The following USP24 variants were observed in gnomAD, a reference collection of about 807,000 sequenced individuals.
USP24 encodes the protein ubiquitin specific peptidase 24, also known as ubiquitin carboxyl-terminal hydrolase 24.
A neutral mutation model predicts 361.6 loss-of-function variants in USP24; 97 were observed. The observed-to-expected ratio is 0.27, with a 90% CI of 0.23 to 0.32. The LOEUF (loss-of-function observed/expected upper bound fraction) is 0.32, where lower values mean the gene tolerates loss of function less well. Among genes scored for constraint, USP24 ranks in the 10% least tolerant of loss-of-function variants. The probability of loss-of-function intolerance (pLI) is 1.00; values close to 1 mark genes in which losing one functional copy is unlikely to be tolerated. For synonymous variants in USP24, 1,098 were observed against 1,124.6 expected (o/e 0.98, Z 0.47); for missense variants, 2,353 against 3,165.6 (o/e 0.74, Z 6.16).
intron 59 of USP24, among the ~76,000 whole-genome samples, chr1:55,080,453 G>A (rs12078480): frequency 0.017 from 2,549 of 152,270 alleles, 65 homozygotes; most frequent in African/African-American, 0.059. Context: ...TGGCTTCTAT[G>A]CCACTAACTA....
intron 40 of USP24, among the ~76,000 whole-genome samples, 170 bp downstream of exon 40, chr1:55,107,069 G>T (rs1645795198): frequency 6.6e-6 from 1 of 152,170 alleles, no homozygotes; most frequent in Non-Finnish European, 1.5e-5. Context: ...CACAGGTAAA[G>T]TACACCTTAA....
intron 8 of USP24, among the ~76,000 whole-genome samples, chr1:55,160,369 G>C (rs1036515770): frequency 1.3e-5 from 2 of 152,216 alleles, no homozygotes; most frequent in Admixed American, 1.3e-4. Context: ...AATGCCAATT[G>C]TATAGGAAGG....
intron 38 of USP24, among the ~76,000 whole-genome samples, chr1:55,119,994 AG>A (rs1361917893): frequency 2.0e-5 from 3 of 152,170 alleles, no homozygotes; most frequent in African/African-American, 7.2e-5. Context: ...GCCCCACAGT[AG>A]GGGCTGTGTG....
chr1:55,123,624 T>A lies in USP24; in HGVS notation c.4121-22A>T, dbSNP rs771247675. 290 of 1,572,640 alleles carry A rather than the reference T, an allele frequency of 1.8e-4. 4 individuals carry two copies. The Middle Eastern group carries it at 4.3e-3, about 24-fold the overall frequency. ...CTTCCTGAAAACAGGTAAGCAGAAA[T>A]TTACTGTGGATCCTACAGGAACTAT... is the stretch of plus-strand genomic sequence containing the variant. On this transcript the variant is annotated intron_variant, in intron 35 of 67. Transcript: ENST00000294383.
chr1:55,111,614 A>G (rs577892031), intron 38 of USP24, among the ~76,000 whole-genome samples: 1 of 152,130 alleles, frequency 6.6e-6, no homozygotes, highest in African/African-American at 2.4e-5. Flanking sequence ...TTTAATTCAC[A>G]TGTTTACTGG....
chr1:55,100,322 C>A (rs376202549), intron 44 of USP24, among the ~76,000 whole-genome samples: 8 of 152,148 alleles, frequency 5.3e-5, no homozygotes, highest in African/African-American at 1.9e-4. Flanking sequence ...CACGGAGAAA[C>A]CCCATCTCTA....
chr1:55,208,142 G>A (rs556367445), intron 1 of USP24, among the ~76,000 whole-genome samples: 2 of 152,172 alleles, frequency 1.3e-5, no homozygotes, highest in South Asian at 2.1e-4. Context: ...ACCAGCTTAA[G>A]GTAATCACCT....
At chr1:55,184,513 C>T (rs1644070984) in intron 1 of USP24, among the ~76,000 whole-genome samples, 1 of 152,128 alleles carries the variant, frequency 6.6e-6, no homozygotes, top group Admixed American at 6.6e-5. Flanking sequence ...TTGGAGACTT[C>T]AATACCTCAG....
In USP24 at chr1:55,134,052, G is replaced by A; in HGVS notation, c.3381+18C>T. On this transcript the variant is annotated intron_variant, in intron 30 of 67. Coordinates refer to ENST00000294383, the MANE Select transcript of USP24 (RefSeq NM_015306.3). Reference sequence around the variant, plus strand: ...ATTGTGATATAAAATTGCCATGCTAGTTAAAAAATACTCATACCTTTCTTC... The same window carrying A: ...ATTGTGATATAAAATTGCCATGCTAATTAAAAAATACTCATACCTTTCTTC... 6.2e-7 allele frequency: 1 copy of A among 1,606,696 alleles called. No individual in the cohort carries two copies. The highest frequency in any genetic ancestry group is 8.5e-7 in the Non-Finnish European group (1 of 1,174,532).
At chr1:55,185,509 G>A (rs1197736599) in intron 1 of USP24, among the ~76,000 whole-genome samples, 6 of 151,900 alleles carry the variant, frequency 3.9e-5, no homozygotes, top group South Asian at 2.1e-4. Flanking sequence ...AAGAGAAAAA[G>A]AAAGAGGATT....
intron 39 of USP24, among the ~76,000 whole-genome samples, chr1:55,109,458 C>T (rs530908588): frequency 6.6e-6 from 1 of 152,286 alleles, no homozygotes; most frequent in South Asian, 2.1e-4. Context: ...TATTCTATTT[C>T]TTCTTACAGG....
chr1:55,124,491 A>G lies in USP24; in HGVS notation c.4098T>C (p.Ile1366=). 2 of 1,612,894 alleles carry G rather than the reference A, an allele frequency of 1.2e-6. No homozygotes were observed. The highest frequency in any genetic ancestry group is 2.7e-5 in the African/African-American group (2 of 75,056). ...TACCTGAACTGCTGAGTCTGTTTCG[A>G]ATTCCAGCAGGACACAGGGAATTAC... The part of the protein sequence containing the change: ...KESNSLCPAG[I]RNRLSSSGSN... The change falls in exon 35 of 68, where the codon ATT becomes ATC. Residue 1366 remains isoleucine, a synonymous_variant. Coordinates refer to ENST00000294383, the MANE Select transcript of USP24 (RefSeq NM_015306.3).
intron 32 of USP24, 66 bp from the exon 33 acceptor site, chr1:55,125,824 A>G (rs920181439): frequency 3.0e-6 from 4 of 1,340,826 alleles, no homozygotes; most frequent in South Asian, 2.7e-5. Flanking sequence ...TAAATTTTCC[A>G]TAAGTAATGT....
rs1645802542 is a variant in USP24, at chr1:55,107,299, C to T, written c.4702G>A (p.Gly1568Arg). ...AGGGTCTTGATGAGGCGTAAGTGCC[C>T]TGCCAGTAAGATGTTGTCCGCTTCA... ...TSEADNILLA[G>R]HLRLIKTLLS... Residue 1568 changes from glycine (G) to arginine (R), a missense_variant, in exon 40 of 68, where the codon GGG (glycine) becomes AGG (arginine). By Grantham distance (125) the Gly-to-Arg change is moderately radical (BLOSUM62 -2). Transcript: ENST00000294383. 6.2e-7 allele frequency: 1 copy of T among 1,613,802 alleles called. No homozygotes were observed. The highest frequency in any genetic ancestry group is 8.5e-7 in the Non-Finnish European group (1 of 1,179,876).
intron 42 of USP24, 31 bp from the exon 43 acceptor site, chr1:55,101,734 G>A (rs759759161): frequency 1.3e-6 from 2 of 1,562,982 alleles, no homozygotes; most frequent in Non-Finnish European, 8.6e-7. Flanking sequence ...AACAGCAGAG[G>A]AGAAGAATGA....
chr1:55,179,414 T>C (rs2100830553), intron 1 of USP24, among the ~76,000 whole-genome samples: 1 of 152,350 alleles, frequency 6.6e-6, no homozygotes, highest in South Asian at 2.1e-4. Context: ...CAGATGTCAA[T>C]TACCTCCTAT....
At chr1:55,075,589 C>T (rs576746843) in intron 62 of USP24, 66 bp from the exon 63 acceptor site, 3 of 1,071,898 alleles carry the variant, frequency 2.8e-6, no homozygotes, top group African/African-American at 1.6e-5. Flanking sequence ...CGGGTGCTTT[C>T]TTTATAATTC....
At chr1:55,080,775 G>C (rs1211463625) in intron 59 of USP24, among the ~76,000 whole-genome samples, 1 of 152,210 alleles carries the variant, frequency 6.6e-6, no homozygotes, top group Non-Finnish European at 1.5e-5. Flanking sequence ...ATTGGATGAT[G>C]ACTGTGTTAT....
Position 55,177,999 on chromosome 1 carries a change from C to G in USP24, c.458G>C (p.Cys153Ser), listed in dbSNP as rs1160764240. 1.9e-6 allele frequency: 3 copies of G among 1,551,548 alleles called. No homozygotes were observed. Among genetic ancestry groups the G allele is most frequent in the Non-Finnish European group, 2.6e-6 (3 of 1,146,974 alleles). The change falls in exon 2 of 68, where the codon TGC becomes TCC. Residue 153 changes from cysteine (C) to serine (S), a missense_variant. Physicochemically the swap from Cys to Ser is moderately radical, Grantham distance 112. Transcript: ENST00000294383. ...PYKREESLGK[C>S]LLASTYLARL... ...TGCTAGGTAGGTAGATGCCAACAGG[C>G]ATTTGCCTAGTGATTCTTCTCGCTT... is the stretch of plus-strand genomic sequence containing the variant.
Sources: allele counts gnomAD v4.1 joint callset (sites outside exome capture counted in the v4.1 genomes callset), GRCh38; gene constraint gnomAD v4.1.1; transcripts MANE v1.5; gene names NCBI Gene and HGNC (gene_info 2026-07-23, HGNC 2026-07-21).